The following DSCAM variants were observed in gnomAD, a reference collection of about 807,000 sequenced individuals.
The protein encoded by DSCAM is cell adhesion molecule DSCAM.
A neutral mutation model predicts 217.7 loss-of-function variants in DSCAM; 47 were observed. That is an observed-to-expected ratio of 0.22 (90% CI 0.17 to 0.28). The LOEUF (loss-of-function observed/expected upper bound fraction) is 0.28, where lower values mean the gene tolerates loss of function less well. Ranked by LOEUF, DSCAM falls within the 10% of genes least tolerant of loss-of-function variation. The pLI, the probability that DSCAM is intolerant of heterozygous loss-of-function variation, is 1.00. For missense variants in DSCAM, 2,080 were observed against 2,618.3 expected, an observed-to-expected ratio of 0.79 and a Z score of 4.49; for synonymous variants, 1,056 against 1,015.3, an observed-to-expected ratio of 1.04 and a Z score of -0.76.
chr21:40,405,038 G>A (rs1363920919), intron 3 of DSCAM, among the ~76,000 whole-genome samples: 1 of 152,170 alleles, frequency 6.6e-6, no homozygotes, highest in African/African-American at 2.4e-5. Flanking sequence ...TTTTTCAACT[G>A]GGCAGCTGGC....
chr21:40,079,853 G>T (rs1054766603), intron 25 of DSCAM, among the ~76,000 whole-genome samples: 5 of 152,098 alleles, frequency 3.3e-5, no homozygotes, highest in African/African-American at 9.7e-5. Flanking sequence ...CGGCTGAGAG[G>T]GCAAGCGCCA....
intron 3 of DSCAM, among the ~76,000 whole-genome samples, chr21:40,657,607 T>C (rs1307454064): frequency 6.6e-6 from 1 of 152,126 alleles, no homozygotes; most frequent in Admixed American, 6.5e-5. Flanking sequence ...CCTAAAGCAA[T>C]GTGACCACTA....
At chr21:40,640,132 C>G (rs2089859407) in intron 3 of DSCAM, among the ~76,000 whole-genome samples, 1 of 116,240 alleles carries the variant, frequency 8.6e-6, no homozygotes, top group Non-Finnish European at 2.0e-5. Context: ...CACCTCAAAG[C>G]AGCTGCAGAG....
intron 1 of DSCAM, among the ~76,000 whole-genome samples, chr21:40,810,510 G>A (rs1238698417): frequency 6.6e-6 from 1 of 152,204 alleles, no homozygotes; most frequent in Non-Finnish European, 1.5e-5. Context: ...GAGTCAGAGA[G>A]ATCTGGGTTT....
intron 20 of DSCAM, among the ~76,000 whole-genome samples, chr21:40,117,624 C>T (rs1312499103): frequency 6.6e-6 from 1 of 152,060 alleles, no homozygotes; most frequent in Admixed American, 6.6e-5. Context: ...TGGAACATGA[C>T]AATCACTTTA....
At chr21:40,348,776 C>T (rs2074595171) in intron 5 of DSCAM, among the ~76,000 whole-genome samples, 1 of 152,100 alleles carries the variant, frequency 6.6e-6, no homozygotes, top group African/African-American at 2.4e-5. Flanking sequence ...CTCTTTGCAA[C>T]AAATGCAATA....
chr21:40,496,589 T>C (rs994905758), intron 3 of DSCAM, among the ~76,000 whole-genome samples: 2 of 152,116 alleles, frequency 1.3e-5, no homozygotes, highest in African/African-American at 4.8e-5. Context: ...ATAATATTGA[T>C]CTTGGCAATG....
chr21:40,660,742 A>G (rs1195385939), intron 3 of DSCAM, among the ~76,000 whole-genome samples: 3 of 152,232 alleles, frequency 2.0e-5, no homozygotes, highest in African/African-American at 4.8e-5. Context: ...AGCTGAGAGC[A>G]TGTCTGCTGA....
In DSCAM at chr21:40,012,835, C is replaced by T. The variant is rs976855954; in HGVS notation, c.*199G>A. The T allele has an allele frequency of 1.8e-5, 7 of 386,356 alleles. No homozygotes were observed. The South Asian group carries it at 5.4e-4, about 30-fold the overall frequency. 23.9% of individuals were successfully genotyped at this position (386,356 alleles called of 1,614,324 possible). ...TTTCCCAAAAAATCAGATGCCCAGG[C>T]GGATGGAGCTCACACTCAGACAGAA... is the stretch of plus-strand genomic sequence containing the variant. On this transcript the variant is annotated 3_prime_UTR_variant, in exon 33 of 33. Coordinates refer to ENST00000400454, the MANE Select transcript of DSCAM (RefSeq NM_001389.5).
chr21:40,248,804 A>G (rs1234846337), intron 11 of DSCAM, among the ~76,000 whole-genome samples: 1 of 152,200 alleles, frequency 6.6e-6, no homozygotes, highest in African/African-American at 2.4e-5. Context: ...ACTGCTGATG[A>G]AGACATACCT....
Position 40,453,095 on chromosome 21 carries a change from A to T in DSCAM, c.509-83850T>A, listed in dbSNP as rs1428378074. Among the ~76,000 whole-genome samples the T allele has an allele frequency of 8.5e-5, 11 of 129,378 alleles. No individual in the cohort carries two copies. The South Asian group carries it at 2.4e-3, about 29-fold the overall frequency. The allele number at this position is 129,378 out of a possible 152,430, so 84.9% of individuals were successfully genotyped here. On this transcript the variant is annotated intron_variant, in intron 3 of 32. Coordinates refer to ENST00000400454, the MANE Select transcript of DSCAM (RefSeq NM_001389.5). ...GTGTGTGTGTGTGTGTGTGTGTGAG[A>T]TATATGTGTATATCTACACATACAT...
intron 3 of DSCAM, among the ~76,000 whole-genome samples, chr21:40,466,732 C>T (rs1242789195): frequency 2.0e-5 from 3 of 151,966 alleles, no homozygotes; most frequent in Non-Finnish European, 4.4e-5. Context: ...TAAATGCCTT[C>T]ACTTCATTGA....
At chr21:40,732,301 C>T (rs2091020655) in intron 1 of DSCAM, among the ~76,000 whole-genome samples, 2 of 152,158 alleles carry the variant, frequency 1.3e-5, no homozygotes, top group African/African-American at 4.8e-5. Flanking sequence ...GATGCCACCA[C>T]CATGTAAGGC....
intron 3 of DSCAM, among the ~76,000 whole-genome samples, chr21:40,566,017 C>G (rs2076761672): frequency 6.6e-6 from 1 of 152,158 alleles, no homozygotes; most frequent in South Asian, 2.1e-4. Context: ...CTTCTCAAAC[C>G]AAAAGGGTTT....
At chr21:40,536,591 A>G (rs2146122235) in intron 3 of DSCAM, among the ~76,000 whole-genome samples, 1 of 152,122 alleles carries the variant, frequency 6.6e-6, no homozygotes, top group East Asian at 1.9e-4. Flanking sequence ...TATTTTTAGT[A>G]GAGACAGGGT....
intron 14 of DSCAM, among the ~76,000 whole-genome samples, chr21:40,186,863 G>A (rs1028953962): frequency 1.1e-4 from 17 of 152,130 alleles, no homozygotes; most frequent in Non-Finnish European, 2.2e-4. Flanking sequence ...ATGCCAACAG[G>A]AAGCTGCAAT....
At chr21:40,573,261 C>G (rs2076822776) in intron 3 of DSCAM, among the ~76,000 whole-genome samples, 1 of 152,002 alleles carries the variant, frequency 6.6e-6, no homozygotes, top group Non-Finnish European at 1.5e-5. Context: ...TGGCGTGAAC[C>G]CGGGAGGTGG....
intron 3 of DSCAM, among the ~76,000 whole-genome samples, chr21:40,579,274 C>A (rs1351685416): frequency 2.7e-5 from 4 of 149,150 alleles, no homozygotes. Context: ...AAAGCAGATC[C>A]AAAAAAAAAC....
intron 3 of DSCAM, among the ~76,000 whole-genome samples, chr21:40,660,231 G>C (rs2090124183): frequency 6.6e-6 from 1 of 152,122 alleles, no homozygotes; most frequent in African/African-American, 2.4e-5. Context: ...AGTCCTTAAA[G>C]ATCGTATACT....
Sources: gnomAD v4.1 joint callset for allele counts (sites outside exome capture counted in the v4.1 genomes callset) on GRCh38, gnomAD v4.1.1 for gene constraint, MANE v1.5 for transcripts, NCBI Gene and HGNC (gene_info 2026-07-23, HGNC 2026-07-21) for gene names.